Variants in TTC39B observed in about 807,000 individuals in gnomAD.
TTC39B encodes tetratricopeptide repeat protein 39B.
TTC39B carries 92 observed loss-of-function variants against 96.6 expected under a neutral mutation model. The observed-to-expected ratio is 0.95, with a 90% CI of 0.80 to 1.13. The LOEUF (loss-of-function observed/expected upper bound fraction) is 1.13. Among genes scored for constraint, TTC39B ranks in the 50% most tolerant of loss-of-function variants. The pLI is 0.00. For synonymous variants in TTC39B, 367 were observed against 299.4 expected (o/e 1.23, Z -2.33); for missense variants, 955 against 809.3 (o/e 1.18, Z -2.18).
At chr9:15,205,142 G>T (rs1255928478) in intron 6 of TTC39B, among the ~76,000 whole-genome samples, 11 of 152,162 alleles carry the variant, frequency 7.2e-5, no homozygotes, top group Non-Finnish European at 2.9e-5. Context: ...CTAGTTCACA[G>T]CTGAAGGATC....
chr9:15,206,086 G>T lies in TTC39B; in HGVS notation c.692-2196C>A, dbSNP rs1325011872. Among the ~76,000 whole-genome samples the T allele has an allele frequency of 2.0e-5, 3 of 152,152 alleles. 1 individual carries two copies. Among genetic ancestry groups the T allele is most frequent in the African/African-American group, 7.2e-5 (3 of 41,414 alleles). On this transcript the variant is annotated intron_variant, in intron 6 of 19. Transcript: ENST00000512701. ...TGAACAAAGTTAAGAGCAGCATGGG[G>T]ATGTGACAACAAGGCAGACAGAAAA...
chr9:15,184,068 A>G (rs371417120), intron 16 of TTC39B, among the ~76,000 whole-genome samples: 21 of 152,314 alleles, frequency 1.4e-4, no homozygotes, highest in African/African-American at 3.1e-4. Flanking sequence ...CAACAACCCA[A>G]TGAAAAATTA....
At chr9:15,229,859 T>C (rs932110932) in intron 2 of TTC39B, among the ~76,000 whole-genome samples, 5 of 152,224 alleles carry the variant, frequency 3.3e-5, no homozygotes, top group African/African-American at 9.6e-5. Flanking sequence ...GTTGTTATTA[T>C]TACACCTACA....
At chr9:15,211,001 C>T (rs1482854683) in intron 5 of TTC39B, among the ~76,000 whole-genome samples, 1 of 152,156 alleles carries the variant, frequency 6.6e-6, no homozygotes, top group African/African-American at 2.4e-5. Context: ...ATGTCATCTA[C>T]ATTGAGAGAT....
At chr9:15,224,240 C>G (rs1423092307) in intron 3 of TTC39B, 1 of 152,430 alleles carries the variant, frequency 6.6e-6, no homozygotes. Context: ...CTAAAGGTCT[C>G]CAATGACCTA....
chr9:15,277,161 G>A (rs1586995950), intron 1 of TTC39B, among the ~76,000 whole-genome samples: 1 of 152,220 alleles, frequency 6.6e-6, no homozygotes, highest in Admixed American at 6.5e-5. Context: ...GGGCGCAGTG[G>A]CTCATGCCTG....
At chr9:15,305,563 T>A (rs945144124) in intron 1 of TTC39B, among the ~76,000 whole-genome samples, 2 of 152,034 alleles carry the variant, frequency 1.3e-5, no homozygotes, top group African/African-American at 4.8e-5. Flanking sequence ...TTTTCTGCAG[T>A]CTTTCATTCA....
Position 15,191,186 on chromosome 9 carries a change from G to T in TTC39B, c.996+4C>A, listed in dbSNP as rs749365509. ...TCAAAATTAACATAAAATTAAATTT[G>T]TACCCTATTCCCAGAAAATCCAATA... On this transcript the variant is annotated splice_donor_region_variant and intron_variant, in intron 10 of 19. Coordinates refer to ENST00000512701, the Ensembl canonical transcript of TTC39B. 1.3e-6 allele frequency: 2 copies of T among 1,593,420 alleles called. No homozygotes were observed. The highest frequency in any genetic ancestry group is 3.4e-5 in the Admixed American group (2 of 59,132).
At chr9:15,222,357 T>C (rs1415008945) in intron 3 of TTC39B, among the ~76,000 whole-genome samples, 2 of 152,220 alleles carry the variant, frequency 1.3e-5, no homozygotes, top group Middle Eastern at 3.2e-3. Flanking sequence ...TTAAGTATAT[T>C]CACACAGTGT....
At chr9:15,280,828 G>A (rs573048070) in intron 1 of TTC39B, among the ~76,000 whole-genome samples, 1 of 152,320 alleles carries the variant, frequency 6.6e-6, no homozygotes, top group South Asian at 2.1e-4. Flanking sequence ...GAATGCGAAT[G>A]CTTGCAGTGG....
At chr9:15,209,405 C>T (rs1242322165) in intron 6 of TTC39B, among the ~76,000 whole-genome samples, 1 of 152,094 alleles carries the variant, frequency 6.6e-6, no homozygotes, top group African/African-American at 2.4e-5. Context: ...ATCTTCCATA[C>T]TGTGAAACAT....
At chr9:15,239,368 G>A (rs971885608) in intron 2 of TTC39B, among the ~76,000 whole-genome samples, 1 of 152,204 alleles carries the variant, frequency 6.6e-6, no homozygotes, top group African/African-American at 2.4e-5. Context: ...GATATCTCAA[G>A]GAGCTAAAAA....
intron 16 of TTC39B, 104 bp downstream of exon 16, chr9:15,185,176 G>T: frequency 7.1e-7 from 1 of 1,410,116 alleles, no homozygotes; most frequent in South Asian, 1.5e-5. Context: ...ACCTACAATG[G>T]TTTTTAAATG....
chr9:15,194,038 T>C (rs1819009694), intron 8 of TTC39B, among the ~76,000 whole-genome samples: 1 of 152,082 alleles, frequency 6.6e-6, no homozygotes, highest in Admixed American at 6.6e-5. Flanking sequence ...GGCCATGGAG[T>C]AAATATGAAT....
chr9:15,197,387 C>T (rs969751662), intron 8 of TTC39B, among the ~76,000 whole-genome samples: 1 of 152,116 alleles, frequency 6.6e-6, no homozygotes, highest in Admixed American at 6.5e-5. Context: ...TCTACCACCC[C>T]CTTCCAGGAT....
chr9:15,286,040 C>A (rs1563789579), intron 1 of TTC39B, among the ~76,000 whole-genome samples: 2 of 152,192 alleles, frequency 1.3e-5, no homozygotes, highest in South Asian at 4.1e-4. Flanking sequence ...GAATTGTAAA[C>A]CCTGTGGTCC....
chr9:15,258,392 G>T (rs1394852715), intron 2 of TTC39B, among the ~76,000 whole-genome samples: 1 of 152,138 alleles, frequency 6.6e-6, no homozygotes, highest in Non-Finnish European at 1.5e-5. Flanking sequence ...TACAGAAAAG[G>T]CAAAGTTTTC....
intron 1 of TTC39B, among the ~76,000 whole-genome samples, chr9:15,279,988 C>T (rs368582750): frequency 1.1e-4 from 16 of 150,768 alleles, no homozygotes; most frequent in Middle Eastern, 3.4e-3. Flanking sequence ...CTCCACCCCC[C>T]GGGTTCAAGC....
chr9:15,302,247 G>A (rs970916141), intron 1 of TTC39B, among the ~76,000 whole-genome samples: 17 of 150,860 alleles, frequency 1.1e-4, no homozygotes, highest in African/African-American at 3.9e-4. Context: ...AATCACTTGA[G>A]CCCGGGAGGC....
Sources: gnomAD v4.1 joint callset for allele counts (sites outside exome capture counted in the v4.1 genomes callset) on GRCh38, gnomAD v4.1.1 for gene constraint, MANE v1.5 for transcripts, NCBI Gene and HGNC (gene_info 2026-07-23, HGNC 2026-07-21) for gene names.